METRN: variants seen among roughly 807,000 people sequenced by gnomAD.
METRN encodes meteorin.
A neutral mutation model predicts 17.4 loss-of-function variants in METRN; 17 were observed. The ratio of observed to expected loss-of-function variants is 0.98; its 90% CI spans 0.67 to 1.46. The LOEUF (loss-of-function observed/expected upper bound fraction) is 1.46, where lower values mean the gene tolerates loss of function less well. Among genes scored for constraint, METRN ranks in the 40% most tolerant of loss-of-function variants. The pLI, the probability that METRN is intolerant of heterozygous loss-of-function variation, is 0.00. For missense variants in METRN, 489 were observed against 456.2 expected (o/e 1.07, Z -0.65); for synonymous variants, 230 against 210.8 (o/e 1.09, Z -0.79).
At chr16:715,484 G>C (rs1305114486) in intron 1 of METRN, 91 bp downstream of exon 1, 2 of 1,261,652 alleles carry the variant, frequency 1.6e-6, no homozygotes, top group South Asian at 5.1e-5. Flanking sequence ...AGAGCGCTGG[G>C]CCGGTTTCCC....
In METRN at chr16:717,063, C is replaced by A; in HGVS notation, c.566-8C>A. 6.2e-7 allele frequency: 1 copy of A among 1,611,506 alleles called. No homozygotes were observed. The highest frequency in any genetic ancestry group is 8.5e-7 in the Non-Finnish European group (1 of 1,179,202). ...GAATGCCTACCGCAGCCACATGCCTCCCCACAGTAATTCACGGGATCATCC... is the reference window on the plus strand; with the variant it reads ...GAATGCCTACCGCAGCCACATGCCTACCCACAGTAATTCACGGGATCATCC... On this transcript the variant is annotated splice_polypyrimidine_tract_variant and splice_region_variant and intron_variant, in intron 3 of 3. Coordinates refer to ENST00000568223, the MANE Select transcript of METRN (RefSeq NM_024042.4).
rs776677760 is a variant in METRN, at chr16:715,644, G to A, written c.165G>A (p.Ala55=). ...GQLALACAEG[A]VEWLYPAGAL... ...TGGCCCTGGCCTGTGCGGAGGGCGC[G>A]GTTGAGTGGCTGTACCCGGCTGGGG... Residue 55 remains alanine, a synonymous_variant, in exon 2 of 4, where the codon GCG becomes GCA. Transcript: ENST00000568223. 5.0e-5 allele frequency: 72 copies of A among 1,437,064 alleles called. No homozygotes were observed. Among genetic ancestry groups the A allele is most frequent in the Non-Finnish European group, 6.3e-5 (69 of 1,100,918 alleles). The allele number at this position is 1,437,064 out of a possible 1,614,324, so 89.0% of individuals were successfully genotyped here.
rs1179735959 is a variant in METRN, at chr16:717,001, C to T, written c.565+9C>T. 6.2e-7 allele frequency: 1 copy of T among 1,608,942 alleles called. No individual in the cohort carries two copies. The highest frequency in any genetic ancestry group is 8.5e-7 in the Non-Finnish European group (1 of 1,177,706). The stretch of plus-strand genomic sequence containing the variant: ...ATGCACCAGCGACTTCGGTGAGTGT[C>T]CCCGCCATGGGGGGAGCCTGGAGCC... On this transcript the variant is annotated intron_variant, in intron 3 of 3. Coordinates refer to ENST00000568223, the MANE Select transcript of METRN (RefSeq NM_024042.4).
intron 2 of METRN, chr16:716,394 G>T: frequency 1.4e-6 from 2 of 1,427,832 alleles, no homozygotes; most frequent in African/African-American, 1.4e-5. Flanking sequence ...TCACCATGGA[G>T]ACGCCGCTCG....
chr16:717,186 A>G lies in METRN; in HGVS notation c.681A>G (p.Arg227=), dbSNP rs1305807904. The G allele has an allele frequency of 1.2e-6, 2 of 1,602,430 alleles. No individual in the cohort carries two copies. The highest frequency in any genetic ancestry group is 1.7e-6 in the Non-Finnish European group (2 of 1,176,214). The change falls in exon 4 of 4, where the codon CGA becomes CGG. Residue 227 remains arginine (R), a synonymous_variant. Coordinates refer to ENST00000568223, the MANE Select transcript of METRN (RefSeq NM_024042.4). ...RQTPPLFQAG[R]SGDQGLTSIR... Reference sequence around the variant, plus strand: ...CACCGCCGCTGTTCCAGGCGGGGCGATCCGGGGACCAGGGGCTGACCTCCA... The same window carrying G: ...CACCGCCGCTGTTCCAGGCGGGGCGGTCCGGGGACCAGGGGCTGACCTCCA...
Position 715,655 on chromosome 16 carries a change from T to C in METRN, c.176T>C (p.Leu59Pro). ...TGTGCGGAGGGCGCGGTTGAGTGGCTGTACCCGGCTGGGGCGCTGCGCCTG... is the reference window on the plus strand; with the variant it reads ...TGTGCGGAGGGCGCGGTTGAGTGGCCGTACCCGGCTGGGGCGCTGCGCCTG... The part of the protein sequence containing the change: ...LACAEGAVEW[L>P]YPAGALRLTL... The change falls in exon 2 of 4, where the codon CTG becomes CCG. Residue 59 changes from leucine (L) to proline (P), a missense_variant. Leu to Pro is a moderately conservative substitution (Grantham distance 98, BLOSUM62 -3). Coordinates refer to ENST00000568223, the MANE Select transcript of METRN (RefSeq NM_024042.4). 3 of 1,432,318 alleles carry C rather than the reference T, an allele frequency of 2.1e-6. No homozygotes were observed. Among genetic ancestry groups the C allele is most frequent in the Non-Finnish European group, 2.7e-6 (3 of 1,098,194 alleles). 88.7% of individuals were successfully genotyped at this position (1,432,318 alleles called of 1,614,324 possible).
chr16:715,564 C>G lies in METRN; in HGVS notation c.105-20C>G. The G allele has an allele frequency of 7.7e-7, 1 of 1,304,746 alleles. No homozygotes were observed. Among genetic ancestry groups the G allele is most frequent in the Non-Finnish European group, 9.7e-7 (1 of 1,028,622 alleles). The allele number at this position is 1,304,746 out of a possible 1,614,324, so 80.8% of individuals were successfully genotyped here. On this transcript the variant is annotated intron_variant, in intron 1 of 3. Transcript: ENST00000568223. ...GGGGACCCGCCCCCGTCTCAGCGCC[C>G]CGTCCCGTCCTGTCCCCAGCGGCCT...
At chr16:716,545 TC>T in intron 2 of METRN, 9 of 1,530,636 alleles carry the variant, frequency 5.9e-6, no homozygotes, top group South Asian at 1.2e-5. Context: ...TGCCCCCACT[TC>T]CTATCACCCT....
Position 715,402 on chromosome 16 carries a change from C to A in METRN, c.104+9C>A. 7.7e-7 allele frequency: 1 copy of A among 1,297,788 alleles called. No homozygotes were observed. Among genetic ancestry groups the A allele is most frequent in the Non-Finnish European group, 9.8e-7 (1 of 1,024,254 alleles). 80.4% of individuals were successfully genotyped at this position (1,297,788 alleles called of 1,614,324 possible). A position where few individuals can be genotyped will look rare whatever the true frequency, so the allele number is the denominator to read the frequency against. ...TGCAGCTGGAGGGGCAGGTACGGTC[C>A]GGGGGGCTGTCCCCGCACTTAGGAC... is the stretch of plus-strand genomic sequence containing the variant. On this transcript the variant is annotated intron_variant, in intron 1 of 3. Coordinates refer to ENST00000568223, the MANE Select transcript of METRN (RefSeq NM_024042.4).
chr16:719,605 C>T lies in METRN; in HGVS notation c.*2218C>T, dbSNP rs529284864. 3.9e-5 allele frequency: 6 copies of T among 152,146 alleles called. No homozygotes were observed. In the East Asian group the frequency reaches 9.7e-4, roughly 25 times the overall value. The allele number at this position is 152,146 out of a possible 1,614,324, so 9.4% of individuals were successfully genotyped here. ...ATGAGGTCAGGAGATGGAGACCATCCTGGCCAACATGGTGAAACCGTCTCT... is the reference window on the plus strand; with the variant it reads ...ATGAGGTCAGGAGATGGAGACCATCTTGGCCAACATGGTGAAACCGTCTCT... On this transcript the variant is annotated 3_prime_UTR_variant, in exon 4 of 4. Transcript: ENST00000568223.
rs1392849676 is a variant in METRN at position 715,961 on chromosome 16, A to T, written c.482A>T (p.Gln161Leu). ...REDGRPELPP[Q>L]AHGLGVDGAC... is the part of the protein sequence containing the mutation. ...GACGGGCGCCCCGAGCTGCCCCCGC[A>T]GGCCCACGGTCTCGGCGTAGACGGT... Residue 161 changes from glutamine to leucine, a missense_variant, in exon 2 of 4, where the codon CAG (glutamine) becomes CTG (leucine). Gln to Leu is a moderately radical substitution (Grantham distance 113). Coordinates refer to ENST00000568223, the MANE Select transcript of METRN (RefSeq NM_024042.4). 6.8e-7 allele frequency: 1 copy of T among 1,469,938 alleles called. No individual in the cohort carries two copies. The highest frequency in any genetic ancestry group is 3.2e-5 in the East Asian group (1 of 31,206). The allele number at this position is 1,469,938 out of a possible 1,614,324, so 91.1% of individuals were successfully genotyped here. A position where few individuals can be genotyped will look rare whatever the true frequency, so the allele number is the denominator to read the frequency against.
Position 719,538 on chromosome 16 carries a change from G to A in METRN, c.*2151G>A, listed in dbSNP as rs2003832. Reference sequence around the variant, plus strand: ...GGGGAGGTTGGGCGCAGTGGCTCACGCCTGTAATCCCAACACTTTGGGAGG... The same window carrying A: ...GGGGAGGTTGGGCGCAGTGGCTCACACCTGTAATCCCAACACTTTGGGAGG... On this transcript the variant is annotated 3_prime_UTR_variant, in exon 4 of 4. Transcript: ENST00000568223. 33,042 of 152,208 alleles carry A rather than the reference G, an allele frequency of 0.22. 4,584 individuals carry two copies. The highest frequency in any genetic ancestry group is 0.57 in the East Asian group (2,919 of 5,138). The allele number at this position is 152,208 out of a possible 1,614,324, so 9.4% of individuals were successfully genotyped here. A position where few individuals can be genotyped will look rare whatever the true frequency, so the allele number is the denominator to read the frequency against.
chr16:717,615 C>T lies in METRN; in HGVS notation c.*228C>T. 2.3e-6 allele frequency: 1 copy of T among 428,872 alleles called. No homozygotes were observed. Among genetic ancestry groups the T allele is most frequent in the Middle Eastern group, 5.9e-4 (1 of 1,694 alleles). The allele number at this position is 428,872 out of a possible 1,614,324, so 26.6% of individuals were successfully genotyped here. ...TGGTATCTTGTTCAAGACCATTTGGCAACTGAGAGGGAGAGCAGATGTCAG... is the reference window on the plus strand; with the variant it reads ...TGGTATCTTGTTCAAGACCATTTGGTAACTGAGAGGGAGAGCAGATGTCAG... On this transcript the variant is annotated 3_prime_UTR_variant, in exon 4 of 4. Coordinates refer to ENST00000568223, the MANE Select transcript of METRN (RefSeq NM_024042.4).
chr16:715,851 C>A lies in METRN; in HGVS notation c.372C>A (p.Arg124=). ...AGGRCVRWGP[R]ERRALFLQAT... ...GCCGCTGCGTGCGCTGGGGTCCCCG[C>A]GAGCGCCGGGCCCTCTTCCTGCAGG... Residue 124 remains arginine (R), a synonymous_variant, in exon 2 of 4, where the codon CGC becomes CGA. Transcript: ENST00000568223. The A allele has an allele frequency of 7.5e-7, 1 of 1,326,764 alleles. No homozygotes were observed. The allele number at this position is 1,326,764 out of a possible 1,614,324, so 82.2% of individuals were successfully genotyped here. A position where few individuals can be genotyped will look rare whatever the true frequency, so the allele number is the denominator to read the frequency against.
chr16:715,339 T>C lies in METRN; in HGVS notation c.50T>C (p.Leu17Pro). The C allele has an allele frequency of 7.4e-7, 1 of 1,342,286 alleles. No individual in the cohort carries two copies. Among genetic ancestry groups the C allele is most frequent in the Non-Finnish European group, 9.5e-7 (1 of 1,048,200 alleles). 83.1% of individuals were successfully genotyped at this position (1,342,286 alleles called of 1,614,324 possible). A position where few individuals can be genotyped will look rare whatever the true frequency, so the allele number is the denominator to read the frequency against. ...CTCTGCGCGCTGTGCTGCGGCCTCC[T>C]GGCCCCGGCTGCCCGCGCCGGCTAC... is the stretch of plus-strand genomic sequence containing the variant. Reference protein sequence around the residue: ...ALLCALCCGLLAPAARAGYSE... With the variant: ...ALLCALCCGLPAPAARAGYSE... Residue 17 changes from leucine (L) to proline (P), a missense_variant, in exon 1 of 4, where the codon CTG becomes CCG. By Grantham distance (98) the Leu-to-Pro change is moderately conservative. Transcript: ENST00000568223.
chr16:717,582 CA>C lies in METRN; in HGVS notation c.*196del, dbSNP rs2040172683. On this transcript the variant is annotated 3_prime_UTR_variant, in exon 4 of 4. Transcript: ENST00000568223. ...TGCCTCCTGGCGGGAGACTGAGGCTCAGGGGAATGGTATCTTGTTCAAGACC... is the reference window on the plus strand; with the variant it reads ...TGCCTCCTGGCGGGAGACTGAGGCTCGGGGAATGGTATCTTGTTCAAGACC... 1 of 471,662 alleles carries C rather than the reference CA, an allele frequency of 2.1e-6. No homozygotes were observed. Among genetic ancestry groups the C allele is most frequent in the South Asian group, 5.5e-5 (1 of 18,124 alleles). 29.2% of individuals were successfully genotyped at this position (471,662 alleles called of 1,614,324 possible).
chr16:716,813 T>C, intron 2 of METRN, 120 bp from the exon 3 acceptor site: 2 of 1,510,918 alleles, frequency 1.3e-6, no homozygotes, highest in Non-Finnish European at 1.8e-6. Context: ...CATCAGGCCC[T>C]GAGCGTGGGC....
At position 716,691 on chromosome 16, in the gene METRN, G is replaced by A. The variant is rs1485030799; in HGVS notation, c.506-242G>A. 9.8e-6 allele frequency: 15 copies of A among 1,535,338 alleles called. No individual in the cohort carries two copies. In the Admixed American group the frequency reaches 9.8e-5, roughly 10 times the overall value. On this transcript the variant is annotated intron_variant, in intron 2 of 3. Coordinates refer to ENST00000568223, the MANE Select transcript of METRN (RefSeq NM_024042.4). ...CGCTAGGCATGGCCCCCAGGCCCAC[G>A]TCTGTGTGCATTCCTGCCTTGGAGG... is the stretch of plus-strand genomic sequence containing the variant.
Position 716,001 on chromosome 16 carries a change from T to G in METRN, c.505+17T>G, listed in dbSNP as rs1076939. On this transcript the variant is annotated intron_variant, in intron 2 of 3. Coordinates refer to ENST00000568223, the MANE Select transcript of METRN (RefSeq NM_024042.4). ...GCGTAGACGGTGAGTGGCGGTCTGG[T>G]TGGGACAGGGTGGGAGTCCCGAAGT... 0.38 allele frequency: 552,645 copies of G among 1,463,842 alleles called. 112,374 individuals are homozygous for G. Among genetic ancestry groups the G allele is most frequent in the African/African-American group, 0.65 (43,838 of 67,952 alleles). 90.7% of individuals were successfully genotyped at this position (1,463,842 alleles called of 1,614,324 possible). A position where few individuals can be genotyped will look rare whatever the true frequency, so the allele number is the denominator to read the frequency against.
Sources: gnomAD v4.1 joint callset for allele counts on GRCh38, gnomAD v4.1.1 for gene constraint, MANE v1.5 for transcripts, NCBI Gene and HGNC (gene_info 2026-07-23, HGNC 2026-07-21) for gene names.